OLFM3: variants seen among roughly 807,000 people sequenced by gnomAD.
The protein encoded by OLFM3 is olfactomedin 3.
A neutral mutation model predicts 48.6 loss-of-function variants in OLFM3; 20 were observed. The observed-to-expected ratio is 0.41, with a 90% CI of 0.29 to 0.60. OLFM3 has a LOEUF of 0.60. Among genes scored for constraint, OLFM3 ranks in the 20% least tolerant of loss-of-function variants. OLFM3 has a pLI of 0.28. For missense variants in OLFM3, 437 were observed against 544.3 expected, an observed-to-expected ratio of 0.80 and a Z score of 1.96; for synonymous variants, 222 against 198.1, an observed-to-expected ratio of 1.12 and a Z score of -1.01.
At chr1:101,852,758 A>T (rs1656273703) in intron 1 of OLFM3, among the ~76,000 whole-genome samples, 1 of 152,152 alleles carries the variant, frequency 6.6e-6, no homozygotes. Context: ...CATTCCTGCA[A>T]TCTTCCCATT....
chr1:101,804,559 G>T lies in OLFM3; in HGVS notation c.1056C>A (p.Ser352Arg), dbSNP rs764971026. The change falls in exon 6 of 6, where the codon AGC becomes AGA. Residue 352 changes from serine (S) to arginine (R), a missense_variant. Ser to Arg is a moderately radical substitution (Grantham distance 110). Transcript: ENST00000370103. This position sits in a 1 kb window ranked among gnomAD's most constrained non-coding sequence, Gnocchi z 4.5. ...CCTCCAAGGTATCTTGGTTAAGTTGGCTGATGACAATATTGCCTGCATTCT... is the reference window on the plus strand; with the variant it reads ...CCTCCAAGGTATCTTGGTTAAGTTGTCTGATGACAATATTGCCTGCATTCT... Reference protein sequence around the residue: ...TNQNAGNIVISQLNQDTLEVM... With the variant: ...TNQNAGNIVIRQLNQDTLEVM... The T allele has an allele frequency of 4.3e-6, 7 of 1,612,552 alleles. No individual in the cohort carries two copies. The highest frequency in any genetic ancestry group is 5.9e-6 in the Non-Finnish European group (7 of 1,179,142).
chr1:101,836,557 G>A (rs1655419419), intron 2 of OLFM3, among the ~76,000 whole-genome samples: 1 of 151,274 alleles, frequency 6.6e-6, no homozygotes, highest in South Asian at 2.1e-4. Context: ...GTGTGATCCT[G>A]AGAGTGGAGC....
At chr1:101,982,624 CT>C (rs1570688525) in intron 1 of OLFM3, among the ~76,000 whole-genome samples, 2 of 152,162 alleles carry the variant, frequency 1.3e-5, no homozygotes, top group East Asian at 3.8e-4. Context: ...GTGTGTGGGC[CT>C]CTTCCAATCT....
chr1:101,824,948 T>G, intron 4 of OLFM3, 78 bp downstream of exon 4: 1 of 1,254,556 alleles, frequency 8.0e-7, no homozygotes. Context: ...TTTATGACTC[T>G]TTATAAAACG....
At chr1:101,866,807 C>G (rs980449206) in intron 1 of OLFM3, among the ~76,000 whole-genome samples, 1 of 152,118 alleles carries the variant, frequency 6.6e-6, no homozygotes, top group Non-Finnish European at 1.5e-5. Context: ...AAGTATGACT[C>G]GGTAATGGAA....
chr1:101,869,095 G>T (rs372569759), intron 1 of OLFM3, among the ~76,000 whole-genome samples: 3 of 152,210 alleles, frequency 2.0e-5, no homozygotes, highest in African/African-American at 7.2e-5. Context: ...CCCACACAGA[G>T]TTCCCACTGG....
At chr1:101,970,277 A>G (rs149042335) in intron 1 of OLFM3, among the ~76,000 whole-genome samples, 4,103 of 152,276 alleles carry the variant, frequency 0.027, 70 homozygotes, top group Admixed American at 0.034. Context: ...TTGGCCTCCC[A>G]AAGTGCTGGG....
chr1:101,993,449 G>T (rs1661471347), intron 1 of OLFM3, among the ~76,000 whole-genome samples: 1 of 152,040 alleles, frequency 6.6e-6, no homozygotes, highest in African/African-American at 2.4e-5. Context: ...ATAAAATTGA[G>T]CAATAATTGA....
At chr1:101,818,649 T>A (rs1381975682) in intron 4 of OLFM3, among the ~76,000 whole-genome samples, 1 of 152,116 alleles carries the variant, frequency 6.6e-6, no homozygotes, top group Non-Finnish European at 1.5e-5. Context: ...TTGCTTTAAG[T>A]GCTAATAAAA....
intron 1 of OLFM3, among the ~76,000 whole-genome samples, chr1:101,854,142 A>C (rs1656328699): frequency 7.1e-6 from 1 of 141,206 alleles, no homozygotes; most frequent in African/African-American, 2.7e-5. Flanking sequence ...AATATGATAA[A>C]ATTTAAAAAG....
chr1:101,971,139 G>A (rs1237907184), intron 1 of OLFM3, among the ~76,000 whole-genome samples: 2 of 152,158 alleles, frequency 1.3e-5, no homozygotes, highest in African/African-American at 2.4e-5. Context: ...TGATGGCCAG[G>A]TATTATTAAA....
intron 1 of OLFM3, among the ~76,000 whole-genome samples, chr1:101,885,152 A>G (rs1657696772): frequency 6.6e-6 from 1 of 151,982 alleles, no homozygotes; most frequent in South Asian, 2.1e-4. Flanking sequence ...CAGCCAAGAA[A>G]ACTATGAAAG....
In OLFM3 at chr1:101,854,492, A is replaced by C. The variant is rs545106216; in HGVS notation, c.70-17467T>G. 3.3e-5 allele frequency among the ~76,000 whole-genome samples: 5 copies of C among 152,070 alleles called. No homozygotes were observed. In the East Asian group the frequency reaches 9.7e-4, roughly 29 times the overall value. On this transcript the variant is annotated intron_variant, in intron 1 of 5. Transcript: ENST00000370103. ...TGCTACTTCAAAGGAGAAAAAATGGATGTGTGGGAGAGAAATATATTCAGG... is the reference window on the plus strand; with the variant it reads ...TGCTACTTCAAAGGAGAAAAAATGGCTGTGTGGGAGAGAAATATATTCAGG...
At chr1:101,805,248 C>A (rs986065997) in intron 5 of OLFM3, among the ~76,000 whole-genome samples, 2 of 151,424 alleles carry the variant, frequency 1.3e-5, no homozygotes, top group Non-Finnish European at 2.9e-5. Context: ...ATAAATAATG[C>A]CATCAGTGAA....
chr1:101,898,521 T>C (rs1658282624), intron 1 of OLFM3, among the ~76,000 whole-genome samples: 1 of 152,140 alleles, frequency 6.6e-6, no homozygotes, highest in Non-Finnish European at 1.5e-5. Flanking sequence ...GGAACTAATT[T>C]ATATCAGCAA....
chr1:101,809,838 G>A (rs1653962847), intron 4 of OLFM3, among the ~76,000 whole-genome samples: 1 of 151,952 alleles, frequency 6.6e-6, no homozygotes, highest in African/African-American at 2.4e-5. Context: ...GCTTAAAGAG[G>A]AAGGAAATGT....
chr1:101,996,242 C>T (rs779302490), intron 1 of OLFM3, among the ~76,000 whole-genome samples: 1 of 152,180 alleles, frequency 6.6e-6, no homozygotes, highest in Non-Finnish European at 1.5e-5. Context: ...CTCTGCTGCT[C>T]TGCCATGTGT....
intron 1 of OLFM3, among the ~76,000 whole-genome samples, chr1:101,941,583 G>T (rs1047671252): frequency 2.0e-5 from 3 of 152,140 alleles, no homozygotes; most frequent in Admixed American, 6.6e-5. Flanking sequence ...ATTGACTAAA[G>T]ATGAGGTAAT....
At chr1:101,805,603 T>C (rs1396721882) in intron 5 of OLFM3, among the ~76,000 whole-genome samples, 1 of 151,840 alleles carries the variant, frequency 6.6e-6, no homozygotes, top group Non-Finnish European at 1.5e-5. Context: ...GCGCTATTTC[T>C]TTTAAAATTA....
Sources: gnomAD v4.1 joint callset for allele counts (sites outside exome capture counted in the v4.1 genomes callset) on GRCh38, gnomAD v4.1.1 for gene constraint, Gnocchi (gnomAD v3.1) non-coding constraint, MANE v1.5 for transcripts, NCBI Gene and HGNC (gene_info 2026-07-23, HGNC 2026-07-21) for gene names.